Variants in GRIN2C observed in about 807,000 individuals in gnomAD.
GRIN2C encodes glutamate ionotropic receptor NMDA type subunit 2C.
A neutral mutation model predicts 77.7 loss-of-function variants in GRIN2C; 64 were observed. The ratio of observed to expected loss-of-function variants is 0.82; its 90% CI spans 0.67 to 1.01. The LOEUF (loss-of-function observed/expected upper bound fraction) is 1.01. Among genes scored for constraint, GRIN2C ranks in the 50% least tolerant of loss-of-function variants. GRIN2C has a pLI of 0.00. For missense variants in GRIN2C, 1,549 were observed against 1,486.0 expected, an observed-to-expected ratio of 1.04 and a Z score of -0.70; for synonymous variants, 792 against 643.4, an observed-to-expected ratio of 1.23 and a Z score of -3.49.
chr17:74,851,531 C>T (rs922683111), intron 4 of GRIN2C, 46 bp downstream of exon 4: 1 of 1,149,968 alleles, frequency 8.7e-7, no homozygotes, highest in African/African-American at 1.5e-5. Context: ...GAGGCGGGGA[C>T]AAAATAAGAG....
At chr17:74,856,742 G>A (rs1277936356) in intron 1 of GRIN2C, among the ~76,000 whole-genome samples, 1 of 151,822 alleles carries the variant, frequency 6.6e-6, no homozygotes, top group African/African-American at 2.4e-5. Flanking sequence ...GCCTCCCAAA[G>A]TGCTGGGATT....
Position 74,852,025 on chromosome 17 carries a change from TC to T in GRIN2C, c.985del (p.Glu329ArgfsTer8). On this transcript the variant is annotated frameshift_variant, in exon 3 of 13. Transcript: ENST00000293190. LOFTEE classifies it high-confidence loss of function. ...GGCAGGTGCCCACCTGTAGAAGGCC[TC>T]CCGGGCAGGGCTGACGGGCCCAGGG... ...VHPGPVSPAREAFYRHLLNVT... is the reference protein window; with the variant it reads ...VHPGPVSPARXAFYRHLLNVT... 5 of 1,461,572 alleles carry T rather than the reference TC, an allele frequency of 3.4e-6. No individual in the cohort carries two copies. Among genetic ancestry groups the T allele is most frequent in the Non-Finnish European group, 4.5e-6 (5 of 1,105,054 alleles). The allele number at this position is 1,461,572 out of a possible 1,614,324, so 90.5% of individuals were successfully genotyped here.
Position 74,845,644 on chromosome 17 carries a change from G to A in GRIN2C, c.2350+422C>T, listed in dbSNP as rs149157425. ...CTCTCTGGGTTTGGGGGCAGGCTGG[G>A]CTGGACCACTCACACATGTGGGACT... On this transcript the variant is annotated intron_variant, in intron 11 of 12. Transcript: ENST00000293190. Among the ~76,000 whole-genome samples, 622 of 152,250 alleles carry A rather than the reference G, an allele frequency of 4.1e-3. 4 individuals carry two copies. The highest frequency in any genetic ancestry group is 6.6e-3 in the Non-Finnish European group (451 of 68,010).
At chr17:74,844,538 C>T (rs2037400226) in intron 11 of GRIN2C, 30 bp from the exon 12 acceptor site, 2 of 1,603,232 alleles carry the variant, frequency 1.2e-6, no homozygotes, top group Non-Finnish European at 1.7e-6. Context: ...ACATCTGGCT[C>T]AGGAAACCCC....
rs998180005 is a variant in GRIN2C, at chr17:74,845,924, G to A, written c.2350+142C>T. 5 of 744,028 alleles carry A rather than the reference G, an allele frequency of 6.7e-6. No individual in the cohort carries two copies. The African/African-American group carries it at 8.7e-5, about 13-fold the overall frequency. 46.1% of individuals were successfully genotyped at this position (744,028 alleles called of 1,614,324 possible). ...CTCTCTCCAGTTGCTCCTAGTACCT[G>A]CCCACCTCAGCTGCCCCAACCTCTC... is the stretch of plus-strand genomic sequence containing the variant. On this transcript the variant is annotated intron_variant, in intron 11 of 12. Coordinates refer to ENST00000293190, the MANE Select transcript of GRIN2C (RefSeq NM_000835.6).
In GRIN2C at chr17:74,847,745, A is replaced by C. The variant is rs2037508347; in HGVS notation, c.1771+107T>G. 2 of 1,216,186 alleles carry C rather than the reference A, an allele frequency of 1.6e-6. No homozygotes were observed. Among genetic ancestry groups the C allele is most frequent in the Non-Finnish European group, 2.4e-6 (2 of 849,344 alleles). The allele number at this position is 1,216,186 out of a possible 1,614,324, so 75.3% of individuals were successfully genotyped here. On this transcript the variant is annotated intron_variant, in intron 8 of 12. Transcript: ENST00000293190. This position sits in a 1 kb window ranked among gnomAD's most constrained non-coding sequence, Gnocchi z 5.2. ...ACTGGCCCCCAGCATGTGCCATCCA[A>C]AAGCAAGGGACCTCCCAAAGGTATT...
chr17:74,851,215 C>T, intron 4 of GRIN2C: 1 of 314,400 alleles, frequency 3.2e-6, no homozygotes, highest in South Asian at 5.8e-5. Context: ...TTCCTCATCT[C>T]CAATCCCACA....
In GRIN2C at chr17:74,850,032, G is replaced by C; in HGVS notation, c.1492-99C>G. On this transcript the variant is annotated intron_variant, in intron 6 of 12. Coordinates refer to ENST00000293190, the MANE Select transcript of GRIN2C (RefSeq NM_000835.6). The surrounding 1 kb of genome is among the most constrained non-coding windows in gnomAD (Gnocchi z 5.3). ...ACACCCCTTCTAGCACCCACCAGCT[G>C]AGTCAATCATTCCCTCTGGGGCCCT... The C allele has an allele frequency of 1.4e-6, 2 of 1,410,684 alleles. No homozygotes were observed. The highest frequency in any genetic ancestry group is 1.9e-6 in the Non-Finnish European group (2 of 1,025,876). The allele number at this position is 1,410,684 out of a possible 1,614,324, so 87.4% of individuals were successfully genotyped here. A position where few individuals can be genotyped will look rare whatever the true frequency, so the allele number is the denominator to read the frequency against.
At chr17:74,856,375 C>G (rs554404870) in intron 1 of GRIN2C, among the ~76,000 whole-genome samples, 4 of 152,184 alleles carry the variant, frequency 2.6e-5, no homozygotes, top group Non-Finnish European at 4.4e-5. Flanking sequence ...ACCACGCCTC[C>G]GAAAGACAGA....
In GRIN2C at chr17:74,850,736, A is replaced by C; in HGVS notation, c.1145T>G (p.Met382Arg). The C allele has an allele frequency of 1.2e-6, 2 of 1,613,280 alleles. No homozygotes were observed. Among genetic ancestry groups the C allele is most frequent in the Non-Finnish European group, 1.7e-6 (2 of 1,179,962 alleles). The change falls in exon 5 of 13, where the codon ATG becomes AGG. Residue 382 changes from methionine (M) to arginine (R), a missense_variant. This residue lies in a region of GRIN2C where 717 missense variants were observed against 858.1 expected (regional missense o/e 0.84). Coordinates refer to ENST00000293190, the MANE Select transcript of GRIN2C (RefSeq NM_000835.6). This position sits in a 1 kb window ranked among gnomAD's most constrained non-coding sequence, Gnocchi z 5.3. ...GTAGCGAGGCCACACGGGGTACTTC[A>C]TGTATAGGACGCCATGCTCCCAGCG... The part of the protein sequence containing the change: ...VGRWEHGVLY[M>R]KYPVWPRYSA...
At chr17:74,861,504 G>T (rs1410310189), upstream of GRIN2C, 1 of 151,544 alleles carries the variant, frequency 6.6e-6, no homozygotes, top group African/African-American at 2.4e-5. Context: ...CCAGAGCCTC[G>T]GCCCCGGAGG....
chr17:74,852,529 T>A lies in GRIN2C; in HGVS notation c.482A>T (p.Asp161Val), dbSNP rs767763364. ...QVLFKVLEEY[D>V]WSAFAVITSL... ...GGTGATGACGGCGAAGGCGCTCCAG[T>A]CGTACTCTTCCAGCACCTTGAACAG... The change falls in exon 3 of 13, where the codon GAC (aspartate) becomes GTC (valine). Residue 161 changes from aspartate (D) to valine (V), a missense_variant. Around this residue, in one of 3 missense-constraint regions of GRIN2C, gnomAD observed 382 missense variants for 360.0 expected, o/e 1.06. Coordinates refer to ENST00000293190, the MANE Select transcript of GRIN2C (RefSeq NM_000835.6). 1.9e-6 allele frequency: 3 copies of A among 1,566,910 alleles called. No individual in the cohort carries two copies. The highest frequency in any genetic ancestry group is 2.6e-6 in the Non-Finnish European group (3 of 1,164,148).
In GRIN2C at chr17:74,849,847, A is replaced by C. The variant is rs965259578; in HGVS notation, c.1578T>G (p.Phe526Leu). The change falls in exon 7 of 13, where the codon TTT (phenylalanine) becomes TTG (leucine). Residue 526 changes from phenylalanine (F) to leucine (L), a missense_variant. Coordinates refer to ENST00000293190, the MANE Select transcript of GRIN2C (RefSeq NM_000835.6). The surrounding 1 kb of genome is among the most constrained non-coding windows in gnomAD (Gnocchi z 4.6). ...CCATCACACTGATGCCCGTCTCCAC[A>C]AAGGGTACAGAGAAGTCTACGATCT... ...RSEIVDFSVPFVETGISVMVA... is the reference protein window; with the variant it reads ...RSEIVDFSVPLVETGISVMVA... 3.7e-6 allele frequency: 6 copies of C among 1,613,322 alleles called. No individual in the cohort carries two copies. Among genetic ancestry groups the C allele is most frequent in the East Asian group, 2.2e-5 (1 of 44,858 alleles).
At position 74,859,410 on chromosome 17, in the gene GRIN2C, C is replaced by G. The variant is rs1375284173; in HGVS notation, c.-16+334G>C. ...CACATGCACACTCCCGCACTCATACCCGCTCACATCTGAGATACCGATGGC... is the reference window on the plus strand; with the variant it reads ...CACATGCACACTCCCGCACTCATACGCGCTCACATCTGAGATACCGATGGC... On this transcript the variant is annotated intron_variant, in intron 1 of 12. Transcript: ENST00000293190. This position sits in a 1 kb window ranked among gnomAD's most constrained non-coding sequence, Gnocchi z 5.9. Among the ~76,000 whole-genome samples the G allele has an allele frequency of 5.3e-5, 8 of 152,178 alleles. No homozygotes were observed. The East Asian group carries it at 1.5e-3, about 29-fold the overall frequency.
In GRIN2C at chr17:74,849,483, G is replaced by A. The variant is rs910621178; in HGVS notation, c.1645+297C>T. Among the ~76,000 whole-genome samples the A allele has an allele frequency of 1.3e-5, 2 of 152,054 alleles. No individual in the cohort carries two copies. The highest frequency in any genetic ancestry group is 3.9e-4 in the East Asian group (2 of 5,192). ...TCCCCCACTCGTTCCACAGTCCTGG[G>A]CCATGGCCCATCCTGAGGCGAGCCT... On this transcript the variant is annotated intron_variant, in intron 7 of 12. Coordinates refer to ENST00000293190, the MANE Select transcript of GRIN2C (RefSeq NM_000835.6). The surrounding 1 kb of genome is among the most constrained non-coding windows in gnomAD (Gnocchi z 4.6).
At chr17:74,851,333 G>A (rs1363237540) in intron 4 of GRIN2C, 2 of 487,082 alleles carry the variant, frequency 4.1e-6, no homozygotes, top group Admixed American at 7.1e-5. Flanking sequence ...CAGGAGATAG[G>A]AGCGCTTGAA....
intron 2 of GRIN2C, 46 bp downstream of exon 2, chr17:74,854,648 T>C: frequency 6.5e-7 from 1 of 1,546,408 alleles, no homozygotes; most frequent in Non-Finnish European, 8.9e-7. Context: ...GACCCCAGCC[T>C]GGTTCCAGGC....
In GRIN2C at chr17:74,847,000, C is replaced by T; in HGVS notation, c.2002-80G>A. 1 of 1,464,432 alleles carries T rather than the reference C, an allele frequency of 6.8e-7. No homozygotes were observed. The highest frequency in any genetic ancestry group is 9.3e-7 in the Non-Finnish European group (1 of 1,075,534). The allele number at this position is 1,464,432 out of a possible 1,614,324, so 90.7% of individuals were successfully genotyped here. A position where few individuals can be genotyped will look rare whatever the true frequency, so the allele number is the denominator to read the frequency against. ...CAAAGCCCCAAACCCACCCCAGAGC[C>T]CAGCCCCAGTGTGGACTTGCATAGT... On this transcript the variant is annotated intron_variant, in intron 9 of 12. Coordinates refer to ENST00000293190, the MANE Select transcript of GRIN2C (RefSeq NM_000835.6). This position sits in a 1 kb window ranked among gnomAD's most constrained non-coding sequence, Gnocchi z 4.4.
At position 74,855,039 on chromosome 17, in the gene GRIN2C, C is replaced by T. The variant is rs1327040023; in HGVS notation, c.54G>A (p.Trp18Ter). The change falls in exon 2 of 13, where the codon TGG becomes TGA. Residue 18 changes from tryptophan to a stop codon, truncating the protein, a stop_gained. Coordinates refer to ENST00000293190, the MANE Select transcript of GRIN2C (RefSeq NM_000835.6). LOFTEE classifies it high-confidence loss of function. ...CGCCCTGCCCCGGACCCAGCCCTGC[C>T]CAGGCACCGAAGAGCGAGGTGAGCA... ...ALLLTSLFGAWAGLGPGQGEQ... is the reference protein window; with the variant it reads ...ALLLTSLFGA 5.6e-6 allele frequency: 9 copies of T among 1,599,702 alleles called. No homozygotes were observed. The highest frequency in any genetic ancestry group is 6.8e-6 in the Non-Finnish European group (8 of 1,178,824).
Sources: allele counts gnomAD v4.1 joint callset (sites outside exome capture counted in the v4.1 genomes callset), GRCh38; gene constraint gnomAD v4.1.1; regional missense constraint gnomAD v4.1.1; non-coding constraint Gnocchi (gnomAD v3.1); transcripts MANE v1.5; gene names NCBI Gene and HGNC (gene_info 2026-07-23, HGNC 2026-07-21).